Variants in GTF2H3 observed in about 807,000 individuals in gnomAD.
GTF2H3 encodes TFIIH basal transcription factor complex p34 subunit.
GTF2H3 carries 42 observed loss-of-function variants against 51.1 expected under a neutral mutation model. The ratio of observed to expected loss-of-function variants is 0.82; its 90% CI spans 0.64 to 1.06. The LOEUF is 1.06. Among genes scored for constraint, GTF2H3 ranks in the 50% least tolerant of loss-of-function variants. GTF2H3 has a pLI of 0.00. For synonymous variants in GTF2H3, 123 were observed against 123.8 expected, an observed-to-expected ratio of 0.99 and a Z score of 0.04; for missense variants, 326 against 366.1, an observed-to-expected ratio of 0.89 and a Z score of 0.89.
At chr12:123,655,060 T>C in intron 8 of GTF2H3, 62 bp downstream of exon 8, 1 of 1,228,304 alleles carries the variant, frequency 8.1e-7, no homozygotes, top group African/African-American at 1.5e-5. Flanking sequence ...ATTTCATTTT[T>C]TGAATGCTCT....
chr12:123,633,994 G>A, intron 1 of GTF2H3, 122 bp downstream of exon 1: 2 of 993,876 alleles, frequency 2.0e-6, no homozygotes, highest in Admixed American at 1.8e-5. Context: ...TAGAGGAGTA[G>A]CCAAGGCATT....
chr12:123,635,939 A>G (rs1160287676), intron 1 of GTF2H3, among the ~76,000 whole-genome samples: 1 of 152,266 alleles, frequency 6.6e-6, no homozygotes, highest in Non-Finnish European at 1.5e-5. Context: ...ATCTGTCTTT[A>G]GAACAGGGCT....
At chr12:123,641,198 TTGAAA>T (rs1350174729) in intron 2 of GTF2H3, among the ~76,000 whole-genome samples, 3 of 151,872 alleles carry the variant, frequency 2.0e-5, no homozygotes, top group African/African-American at 4.8e-5. Context: ...GAATGGAATA[TTGAAA>T]TGAAGTATTG....
intron 1 of GTF2H3, among the ~76,000 whole-genome samples, chr12:123,637,361 C>A (rs1425021748): frequency 6.6e-6 from 1 of 151,810 alleles, no homozygotes. Context: ...TATTGAGACC[C>A]CCCCATCTCT....
chr12:123,647,929 T>C (rs1160858325), intron 3 of GTF2H3, 34 bp from the exon 4 acceptor site: 1 of 1,580,324 alleles, frequency 6.3e-7, no homozygotes, highest in Non-Finnish European at 8.6e-7. Flanking sequence ...CGGTGAGGCC[T>C]GGTGTAACCA....
At chr12:123,649,083 CA>C (rs1955487924) in intron 4 of GTF2H3, 2 of 152,486 alleles carry the variant, frequency 1.3e-5, no homozygotes. Context: ...TCTCCTGCCT[CA>C]GCCTCCCAAG....
chr12:123,654,642 C>T (rs572341367), intron 7 of GTF2H3, among the ~76,000 whole-genome samples: 1 of 150,908 alleles, frequency 6.6e-6, no homozygotes, highest in Admixed American at 6.6e-5. Context: ...GGTATATGTG[C>T]GTATGTGTTT....
chr12:123,641,023 G>A (rs1468636652), intron 2 of GTF2H3, among the ~76,000 whole-genome samples: 1 of 152,048 alleles, frequency 6.6e-6, no homozygotes, highest in African/African-American at 2.4e-5. Context: ...GCGTGATAGC[G>A]CACCTATAGT....
chr12:123,634,037 C>T (rs978464641), intron 1 of GTF2H3, among the ~76,000 whole-genome samples, 165 bp downstream of exon 1: 10 of 152,220 alleles, frequency 6.6e-5, no homozygotes, highest in African/African-American at 2.4e-4. Flanking sequence ...TTTTGGATCG[C>T]CTCCTGTGTA....
Position 123,654,911 on chromosome 12 carries a change from C to T in GTF2H3, c.487-13C>T, listed in dbSNP as rs1359453240. 3 of 1,598,340 alleles carry T rather than the reference C, an allele frequency of 1.9e-6. No homozygotes were observed. The highest frequency in any genetic ancestry group is 1.7e-6 in the Non-Finnish European group (2 of 1,165,818). ...ATGTGCCTGGGTGGAATTAACATGA[C>T]TGTGATTTTTAGGTGATTAAGGCTG... is the stretch of plus-strand genomic sequence containing the variant. On this transcript the variant is annotated splice_polypyrimidine_tract_variant and intron_variant, in intron 7 of 12. Coordinates refer to ENST00000543341, the MANE Select transcript of GTF2H3 (RefSeq NM_001516.5).
In GTF2H3 at chr12:123,652,548, C is replaced by T; in HGVS notation, c.444C>T (p.Asn148=). The change falls in exon 6 of 13, where the codon AAC becomes AAT. Residue 148 remains asparagine, a synonymous_variant. Transcript: ENST00000543341. The part of the protein sequence containing the change: ...AKALCYIHRM[N]KEVKDNQEMK... ...GAAATTAAGACATTCATAGAATGAA[C>T]AAGGAAGTTAAAGGTAAGAGCCTAC... 1 of 1,459,536 alleles carries T rather than the reference C, an allele frequency of 6.9e-7. No individual in the cohort carries two copies. The highest frequency in any genetic ancestry group is 2.0e-5 in the Admixed American group (1 of 48,906). 90.4% of individuals were successfully genotyped at this position (1,459,536 alleles called of 1,614,324 possible). A position where few individuals can be genotyped will look rare whatever the true frequency, so the allele number is the denominator to read the frequency against.
intron 8 of GTF2H3, 111 bp downstream of exon 8, chr12:123,655,109 C>A: frequency 3.8e-6 from 3 of 795,530 alleles, no homozygotes; most frequent in Non-Finnish European, 2.1e-6. Context: ...TATGAATGGG[C>A]AAGGAATCCA....
chr12:123,637,780 G>A (rs1401154960), intron 1 of GTF2H3, among the ~76,000 whole-genome samples: 2 of 152,106 alleles, frequency 1.3e-5, no homozygotes, highest in African/African-American at 4.8e-5. Flanking sequence ...TGGGATGGGC[G>A]CCCAGCCTGG....
At chr12:123,642,703 T>C (rs1048999553) in intron 2 of GTF2H3, among the ~76,000 whole-genome samples, 1 of 152,208 alleles carries the variant, frequency 6.6e-6, no homozygotes, top group Non-Finnish European at 1.5e-5. Flanking sequence ...CATGTTCTTA[T>C]TGTCATACAT....
chr12:123,647,974 A>G lies in GTF2H3; in HGVS notation c.212A>G (p.Tyr71Cys), dbSNP rs1430427837. The stretch of plus-strand genomic sequence containing the variant: ...CCCTGCTGTTTCAGCCGATTCTTAT[A>G]TCCTGGAAAGAATGGCAGACTTGGA... ...ASHIQESRFL[Y>C]PGKNGRLGDF... The change falls in exon 4 of 13, where the codon TAT becomes TGT. Residue 71 changes from tyrosine to cysteine, a missense_variant. Transcript: ENST00000543341. The G allele has an allele frequency of 6.2e-7, 1 of 1,613,556 alleles. No individual in the cohort carries two copies. The highest frequency in any genetic ancestry group is 1.7e-5 in the Admixed American group (1 of 59,932).
intron 2 of GTF2H3, among the ~76,000 whole-genome samples, chr12:123,642,529 T>C (rs1566225658): frequency 6.6e-6 from 1 of 152,208 alleles, no homozygotes; most frequent in Non-Finnish European, 1.5e-5. Context: ...TACCAGAAGT[T>C]AGGACTTGAA....
chr12:123,651,030 C>T lies in GTF2H3; in HGVS notation c.401C>T (p.Ala134Val). 6.2e-7 allele frequency: 1 copy of T among 1,612,956 alleles called. No individual in the cohort carries two copies. The highest frequency in any genetic ancestry group is 8.5e-7 in the Non-Finnish European group (1 of 1,179,000). The change falls in exon 5 of 13, where the codon GCA (alanine) becomes GTA (valine). Residue 134 changes from alanine (A) to valine (V), a missense_variant. Transcript: ENST00000543341. ...GGTCAACATACAGAAACTTTGCTGG[C>T]AGGATCCCTGGCCAAAGCCCTTTGC... ...IKGQHTETLL[A>V]GSLAKALCYI...
At chr12:123,644,953 C>T (rs1955426213) in intron 2 of GTF2H3, among the ~76,000 whole-genome samples, 1 of 152,144 alleles carries the variant, frequency 6.6e-6, no homozygotes, top group African/African-American at 2.4e-5. Flanking sequence ...TAGAAATGAT[C>T]TCATATAAGT....
At chr12:123,646,965 C>T (rs1340983567) in intron 3 of GTF2H3, among the ~76,000 whole-genome samples, 3 of 151,410 alleles carry the variant, frequency 2.0e-5, no homozygotes, top group African/African-American at 7.3e-5. Flanking sequence ...TCCTGGCTAA[C>T]ATGGTGAAAC....
Sources: gnomAD v4.1 joint callset for allele counts (sites outside exome capture counted in the v4.1 genomes callset) on GRCh38, gnomAD v4.1.1 for gene constraint, MANE v1.5 for transcripts, NCBI Gene and HGNC (gene_info 2026-07-23, HGNC 2026-07-21) for gene names.